The following CFAP61 variants were observed in gnomAD, a reference collection of about 807,000 sequenced individuals.
The protein encoded by CFAP61 is cilia and flagella associated protein 61.
Under a neutral mutation model 135.6 loss-of-function variants are expected in CFAP61, and 107 were observed. The ratio of observed to expected loss-of-function variants is 0.79; its 90% CI spans 0.67 to 0.93. CFAP61 has a LOEUF of 0.93. Among genes scored for constraint, CFAP61 ranks in the 40% least tolerant of loss-of-function variants. The pLI is 0.00. For synonymous variants in CFAP61, 575 were observed against 578.5 expected (o/e 0.99, Z 0.09); for missense variants, 1,507 against 1,556.2 (o/e 0.97, Z 0.53).
intron 8 of CFAP61, among the ~76,000 whole-genome samples, chr20:20,112,179 G>C (rs937266514): frequency 6.6e-6 from 1 of 152,098 alleles, no homozygotes; most frequent in Admixed American, 6.6e-5. Flanking sequence ...AAATTTGGTT[G>C]TTTCTGTGGC....
chr20:20,352,574 A>G (rs2058879966), intron 26 of CFAP61, among the ~76,000 whole-genome samples: 2 of 152,362 alleles, frequency 1.3e-5, no homozygotes, highest in South Asian at 2.1e-4. Context: ...TGCCAAGAAC[A>G]CACAATGGGG....
chr20:20,196,611 C>T lies in CFAP61; in HGVS notation c.1632C>T (p.Phe544=). 4 of 1,614,128 alleles carry T rather than the reference C, an allele frequency of 2.5e-6. No homozygotes were observed. The highest frequency in any genetic ancestry group is 2.5e-6 in the Non-Finnish European group (3 of 1,180,000). The change falls in exon 16 of 27, where the codon TTC becomes TTT. Residue 544 remains phenylalanine (F), a synonymous_variant. Coordinates refer to ENST00000245957, the MANE Select transcript of CFAP61 (RefSeq NM_015585.4). Reference sequence around the variant, plus strand: ...GGTCCCATTACAACATTGAAGATTTCATCTACTTCAGTCACCACCAGCGCG... The same window carrying T: ...GGTCCCATTACAACATTGAAGATTTTATCTACTTCAGTCACCACCAGCGCG... ...YIRSHYNIED[F]IYFSHHQREE...
At chr20:20,076,119 G>A (rs2046032582) in intron 6 of CFAP61, among the ~76,000 whole-genome samples, 2 of 152,042 alleles carry the variant, frequency 1.3e-5, no homozygotes, top group South Asian at 2.1e-4. Flanking sequence ...TTTCCACCCC[G>A]CAGGCTACTC....
At chr20:20,205,217 T>G (rs943823673) in intron 17 of CFAP61, among the ~76,000 whole-genome samples, 1 of 152,234 alleles carries the variant, frequency 6.6e-6, no homozygotes, top group Non-Finnish European at 1.5e-5. Context: ...TACTGTTGCA[T>G]TACTGTTACT....
intron 17 of CFAP61, chr20:20,200,634 TAA>T (rs753862786): frequency 4.9e-3 from 3,688 of 749,084 alleles, no homozygotes; most frequent in Non-Finnish European, 5.4e-3. Flanking sequence ...CTTAAGTAAG[TAA>T]AAAAAAAAAA....
chr20:20,286,176 G>A (rs1241276331), intron 22 of CFAP61, among the ~76,000 whole-genome samples: 2 of 152,178 alleles, frequency 1.3e-5, no homozygotes, highest in Non-Finnish European at 2.9e-5. Flanking sequence ...ATTCATCTCA[G>A]GAGGTTATAC....
At chr20:20,205,626 C>T (rs1327472729) in intron 17 of CFAP61, among the ~76,000 whole-genome samples, 1 of 152,194 alleles carries the variant, frequency 6.6e-6, no homozygotes, top group African/African-American at 2.4e-5. Context: ...GAATTTTCCT[C>T]TTGGCTGAAT....
chr20:20,139,453 C>T (rs1470757137), intron 8 of CFAP61, among the ~76,000 whole-genome samples: 2 of 152,214 alleles, frequency 1.3e-5, no homozygotes, highest in African/African-American at 2.4e-5. Context: ...GACTTCTAAA[C>T]TACTTAGATG....
At chr20:20,067,653 A>G (rs1014204111) in intron 2 of CFAP61, among the ~76,000 whole-genome samples, 1 of 137,658 alleles carries the variant, frequency 7.3e-6, no homozygotes, top group Non-Finnish European at 1.5e-5. Context: ...AAATATATAT[A>G]TATATATATA....
chr20:20,222,634 G>A (rs2048478841), intron 17 of CFAP61, among the ~76,000 whole-genome samples: 1 of 152,200 alleles, frequency 6.6e-6, no homozygotes, highest in South Asian at 2.1e-4. Context: ...GGACAGAGGT[G>A]TTGGTATTCA....
chr20:20,273,154 T>G (rs543781863), intron 21 of CFAP61, among the ~76,000 whole-genome samples: 6 of 151,932 alleles, frequency 3.9e-5, no homozygotes, highest in Non-Finnish European at 8.8e-5. Flanking sequence ...GTGCTTGGAT[T>G]ACAGGCATGA....
intron 19 of CFAP61, 67 bp downstream of exon 19, chr20:20,246,282 TG>T (rs2050451753): frequency 1.0e-6 from 1 of 965,878 alleles, no homozygotes; most frequent in East Asian, 2.4e-5. Context: ...GTCTATTTAA[TG>T]CTAAATAGTA....
At chr20:20,170,725 A>G (rs1425453303) in intron 13 of CFAP61, among the ~76,000 whole-genome samples, 1 of 152,202 alleles carries the variant, frequency 6.6e-6, no homozygotes, top group Non-Finnish European at 1.5e-5. Context: ...TCACTTCATA[A>G]TTAGGGACTG....
intron 8 of CFAP61, among the ~76,000 whole-genome samples, chr20:20,109,304 G>C (rs943857495): frequency 3.3e-5 from 5 of 152,114 alleles, no homozygotes; most frequent in African/African-American, 9.7e-5. Context: ...CTTTCTTCCT[G>C]AACTCTGTAT....
intron 17 of CFAP61, chr20:20,214,156 T>C (rs2047871421): frequency 6.6e-6 from 1 of 152,240 alleles, no homozygotes; most frequent in South Asian, 2.1e-4. Context: ...CCTCTCAGGA[T>C]ACTGGACAGA....
chr20:20,124,837 T>C (rs932360189), intron 8 of CFAP61, among the ~76,000 whole-genome samples: 1 of 151,856 alleles, frequency 6.6e-6, no homozygotes, highest in Non-Finnish European at 1.5e-5. Flanking sequence ...CTGCTGTGAA[T>C]CTGTCTGGTC....
At chr20:20,119,199 C>A (rs76281613) in intron 8 of CFAP61, among the ~76,000 whole-genome samples, 1,593 of 152,088 alleles carry the variant, frequency 0.01, 20 homozygotes, top group African/African-American at 0.036. Flanking sequence ...AATTAGTATT[C>A]GTTCTTTAAA....
intron 8 of CFAP61, among the ~76,000 whole-genome samples, chr20:20,113,149 C>A (rs2048913704): frequency 6.6e-6 from 1 of 152,144 alleles, no homozygotes; most frequent in South Asian, 2.1e-4. Context: ...TTATAAGGCT[C>A]AAACTTATGT....
chr20:20,310,566 A>C (rs916757875), intron 25 of CFAP61, among the ~76,000 whole-genome samples: 2 of 152,120 alleles, frequency 1.3e-5, no homozygotes, highest in African/African-American at 4.8e-5. Flanking sequence ...AAAGCAATAT[A>C]CTGCCAGTTA....
Sources: gnomAD v4.1 joint callset for allele counts (sites outside exome capture counted in the v4.1 genomes callset) on GRCh38, gnomAD v4.1.1 for gene constraint, MANE v1.5 for transcripts, NCBI Gene and HGNC (gene_info 2026-07-23, HGNC 2026-07-21) for gene names.